PCDHA5: variants seen among roughly 807,000 people sequenced by gnomAD.
PCDHA5 encodes protocadherin alpha-5.
A neutral mutation model predicts 61.6 loss-of-function variants in PCDHA5; 43 were observed. The ratio of observed to expected loss-of-function variants is 0.70; its 90% CI spans 0.55 to 0.90. The LOEUF (loss-of-function observed/expected upper bound fraction) is 0.90. Among genes scored for constraint, PCDHA5 ranks in the 40% least tolerant of loss-of-function variants. PCDHA5 has a pLI of 0.00. For synonymous variants in PCDHA5, 627 were observed against 543.9 expected (o/e 1.15, Z -2.13); for missense variants, 1,298 against 1,222.7 (o/e 1.06, Z -0.92).
At chr5:140,975,933 AG>A (rs1216240117) in intron 1 of PCDHA5, among the ~76,000 whole-genome samples, 1 of 152,194 alleles carries the variant, frequency 6.6e-6, no homozygotes, top group Non-Finnish European at 1.5e-5. Flanking sequence ...TAACCTTTGA[AG>A]CAATAGGACA....
chr5:140,912,343 A>AT (rs35252606), intron 1 of PCDHA5, among the ~76,000 whole-genome samples: 1,442 of 143,856 alleles, frequency 0.01, 7 homozygotes, highest in South Asian at 0.021. Flanking sequence ...TACACTAAGT[A>AT]TTTTTTTTTT....
At chr5:140,929,036 C>T in intron 1 of PCDHA5, 1 of 1,614,178 alleles carries the variant, frequency 6.2e-7, no homozygotes, top group Non-Finnish European at 8.5e-7. Flanking sequence ...GGCTGTTGCG[C>T]TCAGAGCTGC....
chr5:140,849,665 G>T (rs1255665975), intron 1 of PCDHA5: 1 of 1,598,534 alleles, frequency 6.3e-7, no homozygotes, highest in East Asian at 2.2e-5. Flanking sequence ...GCTCCCTGAC[G>T]CCCCACGTCC....
At chr5:140,973,492 T>C (rs2096590680) in intron 1 of PCDHA5, among the ~76,000 whole-genome samples, 1 of 152,192 alleles carries the variant, frequency 6.6e-6, no homozygotes, top group African/African-American at 2.4e-5. Context: ...GTCACAGGAC[T>C]CTTCTTCTGA....
chr5:140,848,579 C>A lies in PCDHA5; in HGVS notation c.2352+24452C>A, dbSNP rs2150413279. Reference sequence around the variant, plus strand: ...TCCTCGCAATGTGGGTGGTGGGGAGCGGCCAGCTCCACTACTCCGTCCCGG... The same window carrying A: ...TCCTCGCAATGTGGGTGGTGGGGAGAGGCCAGCTCCACTACTCCGTCCCGG... On this transcript the variant is annotated intron_variant, in intron 1 of 3. Transcript: ENST00000529859. 0.52 allele frequency: 831,192 copies of A among 1,591,790 alleles called. 256,408 individuals are homozygous for A. Among genetic ancestry groups the A allele is most frequent in the South Asian group, 0.62 (55,610 of 90,064 alleles).
intron 1 of PCDHA5, chr5:140,841,186 T>C (rs1554138025): frequency 1.7e-6 from 2 of 1,195,696 alleles, no homozygotes; most frequent in Non-Finnish European, 2.3e-6. Flanking sequence ...ATGTTCAAAG[T>C]CTTTTCTCTG....
intron 1 of PCDHA5, among the ~76,000 whole-genome samples, chr5:140,874,504 C>A (rs2054953142): frequency 6.6e-6 from 1 of 152,198 alleles, no homozygotes; most frequent in Admixed American, 6.5e-5. Flanking sequence ...AGTTCACATT[C>A]TCTTGACTTT....
At chr5:140,881,335 C>A in intron 1 of PCDHA5, 1 of 984,916 alleles carries the variant, frequency 1.0e-6, no homozygotes, top group Non-Finnish European at 1.2e-6. Context: ...ACCAGGACGC[C>A]GATTCGGGCT....
chr5:140,896,390 C>A, intron 1 of PCDHA5, among the ~76,000 whole-genome samples: 1 of 152,124 alleles, frequency 6.6e-6, no homozygotes, highest in Non-Finnish European at 1.5e-5. Flanking sequence ...ACCTCACCAG[C>A]ATCTGTTATT....
chr5:140,861,488 T>C lies in PCDHA5; in HGVS notation c.2352+37361T>C, dbSNP rs182152713. 8.2e-6 allele frequency: 4 copies of C among 489,384 alleles called. No individual in the cohort carries two copies. In the East Asian group the frequency reaches 1.8e-4, roughly 21 times the overall value. The allele number at this position is 489,384 out of a possible 1,614,324, so 30.3% of individuals were successfully genotyped here. A position where few individuals can be genotyped will look rare whatever the true frequency, so the allele number is the denominator to read the frequency against. On this transcript the variant is annotated intron_variant, in intron 1 of 3. Transcript: ENST00000529859. ...ATCTGCAGAATGGCATTTTTGTGAGTTCTCTGATAGACCTCGAGGAGCTGT... is the reference window on the plus strand; with the variant it reads ...ATCTGCAGAATGGCATTTTTGTGAGCTCTCTGATAGACCTCGAGGAGCTGT...
In PCDHA5 at chr5:140,844,652, C is replaced by CA. The variant is rs1162718646; in HGVS notation, c.2352+20528dup. 1.0e-4 allele frequency among the ~76,000 whole-genome samples: 15 copies of CA among 149,492 alleles called. 1 individual carries two copies. The highest frequency in any genetic ancestry group is 2.0e-4 in the Admixed American group (3 of 14,904). On this transcript the variant is annotated intron_variant, in intron 1 of 3. Transcript: ENST00000529859. ...ACTATACATGATAATTTCATTCTTG[C>CA]AAACCAAACATATAATTTATAAATC...
intron 1 of PCDHA5, chr5:140,842,788 G>C: frequency 6.3e-7 from 1 of 1,594,522 alleles, no homozygotes; most frequent in Non-Finnish European, 8.6e-7. Context: ...AGAACGCGCT[G>C]GTGTCCTACT....
chr5:140,875,873 G>C (rs1554168013), intron 1 of PCDHA5: 2 of 1,614,214 alleles, frequency 1.2e-6, no homozygotes, highest in South Asian at 1.1e-5. Context: ...CCGGTGTTCA[G>C]AGAAAGGGAA....
chr5:140,875,651 T>A lies in PCDHA5; in HGVS notation c.2352+51524T>A, dbSNP rs782085221. The A allele has an allele frequency of 5.1e-5, 83 of 1,613,604 alleles. 1 individual carries two copies. The South Asian group carries it at 8.5e-4, about 16-fold the overall frequency. On this transcript the variant is annotated intron_variant, in intron 1 of 3. Coordinates refer to ENST00000529859, the MANE Select transcript of PCDHA5 (RefSeq NM_018908.3). Reference sequence around the variant, plus strand: ...CTGGGGCTGGAGCTGGCGGAGCTGGTGCCGCGCCTGTTCCGGGTGGCGTCC... The same window carrying A: ...CTGGGGCTGGAGCTGGCGGAGCTGGAGCCGCGCCTGTTCCGGGTGGCGTCC...
At chr5:140,831,927 A>G (rs1415813299) in intron 1 of PCDHA5, among the ~76,000 whole-genome samples, 1 of 152,160 alleles carries the variant, frequency 6.6e-6, no homozygotes, top group African/African-American at 2.4e-5. Context: ...ATTTGCTACT[A>G]GTTTTCCGAA....
Position 140,851,360 on chromosome 5 carries a change from A to C in PCDHA5, c.2352+27233A>C, listed in dbSNP as rs1554145369. 3.1e-6 allele frequency: 3 copies of C among 978,096 alleles called. No homozygotes were observed. In the African/African-American group the frequency reaches 5.2e-5, roughly 17 times the overall value. 60.6% of individuals were successfully genotyped at this position (978,096 alleles called of 1,614,324 possible). On this transcript the variant is annotated intron_variant, in intron 1 of 3. Transcript: ENST00000529859. ...TACATTTCTCTGGATGGAGACTGTG[A>C]ACATCTGATTGTTCAGCAACCTTCA...
At chr5:140,883,331 T>C (rs782330597) in intron 1 of PCDHA5, 1 of 1,614,064 alleles carries the variant, frequency 6.2e-7, no homozygotes, top group East Asian at 2.2e-5. Flanking sequence ...CATCACTTCT[T>C]TGTCACTCCC....
chr5:140,997,719 C>T (rs1456038917), intron 3 of PCDHA5, among the ~76,000 whole-genome samples: 1 of 150,932 alleles, frequency 6.6e-6, no homozygotes, highest in East Asian at 1.9e-4. Context: ...CACCTTTCTA[C>T]GTCAGTACAT....
intron 3 of PCDHA5, among the ~76,000 whole-genome samples, chr5:140,996,394 G>A (rs2097724789): frequency 6.6e-6 from 1 of 152,192 alleles, no homozygotes; most frequent in Non-Finnish European, 1.5e-5. Context: ...GCCTCATAGA[G>A]TTTCAGGTGG....
Sources: gnomAD v4.1 joint callset for allele counts (sites outside exome capture counted in the v4.1 genomes callset) on GRCh38, gnomAD v4.1.1 for gene constraint, MANE v1.5 for transcripts, NCBI Gene and HGNC (gene_info 2026-07-23, HGNC 2026-07-21) for gene names.